Variants in CCNJ observed in about 807,000 individuals in gnomAD.
CCNJ encodes the protein cyclin-J.
A neutral mutation model predicts 41.4 loss-of-function variants in CCNJ; 12 were observed. The observed-to-expected ratio is 0.29, with a 90% CI of 0.19 to 0.47. The LOEUF (loss-of-function observed/expected upper bound fraction) is 0.47. Among genes scored for constraint, CCNJ ranks in the 20% least tolerant of loss-of-function variants. The pLI, the probability that CCNJ is intolerant of heterozygous loss-of-function variation, is 1.00. For synonymous variants in CCNJ, 161 were observed against 173.4 expected (o/e 0.93, Z 0.56); for missense variants, 340 against 464.6 (o/e 0.73, Z 2.47).
At position 96,056,937 on chromosome 10, in the gene CCNJ, T is replaced by C. The variant is rs770341054; in HGVS notation, c.517T>C (p.Leu173=). 1.2e-6 allele frequency: 2 copies of C among 1,614,104 alleles called. No individual in the cohort carries two copies. Among genetic ancestry groups the C allele is most frequent in the African/African-American group, 1.3e-5 (1 of 74,930 alleles). The change falls in exon 4 of 6, where the codon TTG becomes CTG. Residue 173 remains leucine (L), a synonymous_variant. Coordinates refer to ENST00000465148, the MANE Select transcript of CCNJ (RefSeq NM_001134375.2). Reference sequence around the variant, plus strand: ...TCATGACGGCTGGCCAATGATTTGCTTGGAAAAGACTAAACTCTACATGGC... The same window carrying C: ...TCATGACGGCTGGCCAATGATTTGCCTGGAAAAGACTAAACTCTACATGGC... The part of the protein sequence containing the change: ...DLHDGWPMIC[L]EKTKLYMAKY...
intron 2 of CCNJ, among the ~76,000 whole-genome samples, chr10:96,045,596 T>C (rs2080340109): frequency 6.6e-6 from 1 of 152,100 alleles, no homozygotes; most frequent in Non-Finnish European, 1.5e-5. Flanking sequence ...TTATACCACA[T>C]AAAAATTCTA....
At chr10:96,047,493 C>T (rs1302575748) in intron 2 of CCNJ, among the ~76,000 whole-genome samples, 1 of 152,104 alleles carries the variant, frequency 6.6e-6, no homozygotes, top group Admixed American at 6.5e-5. Context: ...CAGAAACTAA[C>T]TGGGCGTGGC....
upstream of CCNJ, chr10:96,043,322 C>T: frequency 3.2e-6 from 1 of 316,214 alleles, no homozygotes; most frequent in East Asian, 5.0e-5. Context: ...GGCGATCAGG[C>T]CGGCTTCGCA....
At chr10:96,055,946 A>G (rs1014649703) in intron 3 of CCNJ, among the ~76,000 whole-genome samples, 1 of 152,244 alleles carries the variant, frequency 6.6e-6, no homozygotes, top group African/African-American at 2.4e-5. Context: ...TGTTGATGCC[A>G]AGATGAAACA....
At chr10:96,055,631 G>GA (rs2080662367) in intron 3 of CCNJ, among the ~76,000 whole-genome samples, 1 of 152,222 alleles carries the variant, frequency 6.6e-6, no homozygotes, top group African/African-American at 2.4e-5. Flanking sequence ...TCTGGGGCTG[G>GA]AAAGAGAATC....
chr10:96,043,544 C>G (rs2080270528), upstream of CCNJ: 5 of 394,208 alleles, frequency 1.3e-5, no homozygotes, highest in East Asian at 3.6e-5. Flanking sequence ...CAAGTGCCCC[C>G]GCGCTGGCTT....
In CCNJ at chr10:96,057,938, T is replaced by A; in HGVS notation, c.849T>A (p.Val283=). The A allele has an allele frequency of 6.2e-7, 1 of 1,614,180 alleles. No homozygotes were observed. The highest frequency in any genetic ancestry group is 1.1e-5 in the South Asian group (1 of 91,086). The change falls in exon 6 of 6, where the codon GTT becomes GTA. Residue 283 remains valine, a synonymous_variant. Transcript: ENST00000465148. ...CAGCCTCCCAGCCATCACGGCCAGT[T>A]CACTTTCAGCAACCTCAGTATCTCC... is the stretch of plus-strand genomic sequence containing the variant. The part of the protein sequence containing the change: ...FQTASQPSRP[V]HFQQPQYLHQ...
chr10:96,056,910 C>A lies in CCNJ; in HGVS notation c.490C>A (p.Leu164Ile), dbSNP rs1425912088. 1.2e-6 allele frequency: 2 copies of A among 1,614,160 alleles called. No individual in the cohort carries two copies. The highest frequency in any genetic ancestry group is 1.7e-6 in the Non-Finnish European group (2 of 1,180,000). Reference protein sequence around the residue: ...YLSEAVHETDLHDGWPMICLE... With the variant: ...YLSEAVHETDIHDGWPMICLE... ...CTCTGAAGCAGTACACGAAACAGATCTTCATGACGGCTGGCCAATGATTTG... is the reference window on the plus strand; with the variant it reads ...CTCTGAAGCAGTACACGAAACAGATATTCATGACGGCTGGCCAATGATTTG... The change falls in exon 4 of 6, where the codon CTT becomes ATT. Residue 164 changes from leucine to isoleucine, a missense_variant. Around this residue, in one of 3 missense-constraint regions of CCNJ, gnomAD observed 137 missense variants for 252.9 expected, o/e 0.54. Coordinates refer to ENST00000465148, the MANE Select transcript of CCNJ (RefSeq NM_001134375.2).
At chr10:96,055,574 A>G (rs942840398) in intron 3 of CCNJ, among the ~76,000 whole-genome samples, 2 of 152,260 alleles carry the variant, frequency 1.3e-5, no homozygotes, top group Non-Finnish European at 2.9e-5. Flanking sequence ...AGTAAAATGC[A>G]TGTTTGGAAA....
chr10:96,052,242 ATAGT>A (rs1438667774), intron 3 of CCNJ, among the ~76,000 whole-genome samples: 1 of 152,190 alleles, frequency 6.6e-6, no homozygotes, highest in Non-Finnish European at 1.5e-5. Flanking sequence ...TTGGGGTTTA[ATAGT>A]TTGTATAAGA....
At chr10:96,055,061 G>GGA (rs2080642816) in intron 3 of CCNJ, among the ~76,000 whole-genome samples, 1 of 152,030 alleles carries the variant, frequency 6.6e-6, no homozygotes. Flanking sequence ...GCAATAAGCT[G>GGA]GATAACTATG....
intron 5 of CCNJ, 138 bp from the exon 6 acceptor site, chr10:96,057,692 G>C: frequency 1.4e-6 from 1 of 713,864 alleles, no homozygotes; most frequent in Non-Finnish European, 2.4e-6. Flanking sequence ...TCTCACTGTT[G>C]TTGGAATTAT....
chr10:96,058,447 CAA>C lies in CCNJ; in HGVS notation c.*207_*208del. On this transcript the variant is annotated 3_prime_UTR_variant, in exon 6 of 6. Transcript: ENST00000465148. The stretch of plus-strand genomic sequence containing the variant: ...ATTAACAGTATGTCAAATTCTGTTA[CAA>C]CAAATCCCTGTATGACAAAAATGTT... 1 of 535,518 alleles carries C rather than the reference CAA, an allele frequency of 1.9e-6. No individual in the cohort carries two copies. The highest frequency in any genetic ancestry group is 3.3e-6 in the Non-Finnish European group (1 of 302,636). The allele number at this position is 535,518 out of a possible 1,614,324, so 33.2% of individuals were successfully genotyped here.
chr10:96,048,115 A>G (rs1379221269), intron 2 of CCNJ, among the ~76,000 whole-genome samples: 1 of 152,156 alleles, frequency 6.6e-6, no homozygotes, highest in East Asian at 1.9e-4. Flanking sequence ...AAAGGACGTG[A>G]TCTTGTTCCT....
At chr10:96,052,457 G>C (rs1227921019) in intron 3 of CCNJ, among the ~76,000 whole-genome samples, 1 of 152,220 alleles carries the variant, frequency 6.6e-6, no homozygotes, top group African/African-American at 2.4e-5. Flanking sequence ...TTTAACACTA[G>C]CACCTGCTCT....
At chr10:96,047,551 T>C (rs1016615501) in intron 2 of CCNJ, among the ~76,000 whole-genome samples, 3 of 152,094 alleles carry the variant, frequency 2.0e-5, no homozygotes, top group Non-Finnish European at 2.9e-5. Context: ...GGTGGTTGGA[T>C]TGCTTGAGCC....
At chr10:96,052,846 G>A (rs1009279762) in intron 3 of CCNJ, among the ~76,000 whole-genome samples, 8 of 152,112 alleles carry the variant, frequency 5.3e-5, no homozygotes, top group African/African-American at 7.2e-5. Flanking sequence ...GAATGTATGT[G>A]AGGTATTCTT....
At chr10:96,053,077 T>C (rs2080574062) in intron 3 of CCNJ, among the ~76,000 whole-genome samples, 1 of 152,110 alleles carries the variant, frequency 6.6e-6, no homozygotes, top group East Asian at 1.9e-4. Flanking sequence ...ATTTGTGGAG[T>C]TCATTGTAAT....
At chr10:96,057,576 C>T (rs972157998) in intron 5 of CCNJ, among the ~76,000 whole-genome samples, 1 of 152,214 alleles carries the variant, frequency 6.6e-6, no homozygotes, top group African/African-American at 2.4e-5. Context: ...TTGGCAGCCA[C>T]ACTTACGTGC....
Sources: allele counts gnomAD v4.1 joint callset (sites outside exome capture counted in the v4.1 genomes callset), GRCh38; gene constraint gnomAD v4.1.1; regional missense constraint gnomAD v4.1.1; transcripts MANE v1.5; gene names NCBI Gene and HGNC (gene_info 2026-07-23, HGNC 2026-07-21).